The following KALRN variants were observed in gnomAD, a reference collection of about 807,000 sequenced individuals.
KALRN encodes kalirin.
A neutral mutation model predicts 353.7 loss-of-function variants in KALRN; 70 were observed. The ratio of observed to expected loss-of-function variants is 0.20; its 90% CI spans 0.16 to 0.24. The LOEUF (loss-of-function observed/expected upper bound fraction) is 0.24. Ranked by LOEUF, KALRN falls within the 10% of genes least tolerant of loss-of-function variation. The pLI is 1.00. For missense variants in KALRN, 2,791 were observed against 3,756.7 expected, an observed-to-expected ratio of 0.74 and a Z score of 6.72; for synonymous variants, 1,391 against 1,434.8, an observed-to-expected ratio of 0.97 and a Z score of 0.69.
At chr3:124,225,031 C>A (rs923858379) in intron 1 of KALRN, among the ~76,000 whole-genome samples, 1 of 152,124 alleles carries the variant, frequency 6.6e-6, no homozygotes, top group Admixed American at 6.5e-5. Flanking sequence ...GACACGTACC[C>A]GATAGTGAAA....
At chr3:124,521,634 A>C (rs6781886) in intron 33 of KALRN, among the ~76,000 whole-genome samples, 83,242 of 152,002 alleles carry the variant, frequency 0.55, 24,092 homozygotes, top group African/African-American at 0.74. Context: ...TTAGAAAAAA[A>C]CAGAGAGTAT....
Position 124,438,972 on chromosome 3 carries a change from G to A in KALRN, c.3133G>A (p.Ala1045Thr), listed in dbSNP as rs748232934. The change falls in exon 18 of 60, where the codon GCA becomes ACA. Residue 1045 changes from alanine to threonine, a missense_variant. This residue lies in a region of KALRN where 452 missense variants were observed against 575.8 expected (regional missense o/e 0.78). Transcript: ENST00000682506. ...CGGRDKLGPA[A>T]EIDHVIPLIS... is the part of the protein sequence containing the mutation. ...TGGACGAGATAAGCTGGGGCCAGCA[G>A]CAGAGATCGACCATGTCATTCCCCT... is the stretch of plus-strand genomic sequence containing the variant. The A allele has an allele frequency of 6.8e-6, 11 of 1,614,130 alleles. No homozygotes were observed. The South Asian group carries it at 1.1e-4, about 16-fold the overall frequency.
intron 34 of KALRN, among the ~76,000 whole-genome samples, chr3:124,571,071 C>T (rs2073460832): frequency 6.6e-6 from 1 of 152,188 alleles, no homozygotes; most frequent in Non-Finnish European, 1.5e-5. Context: ...CTTCTATTCT[C>T]CCCCGTCCGA....
chr3:124,399,957 T>C (rs2090649452), intron 13 of KALRN, among the ~76,000 whole-genome samples: 1 of 152,156 alleles, frequency 6.6e-6, no homozygotes, highest in Admixed American at 6.5e-5. Flanking sequence ...AGGGTTAAAT[T>C]AAAGGCATGT....
At chr3:124,612,976 T>A (rs1330986018) in intron 34 of KALRN, among the ~76,000 whole-genome samples, 2 of 152,224 alleles carry the variant, frequency 1.3e-5, no homozygotes, top group Non-Finnish European at 2.9e-5. Flanking sequence ...GGCATTCTTA[T>A]GGAAATAGTC....
chr3:124,400,438 A>G (rs2090717217), intron 13 of KALRN, among the ~76,000 whole-genome samples: 1 of 152,212 alleles, frequency 6.6e-6, no homozygotes, highest in Non-Finnish European at 1.5e-5. Flanking sequence ...AAGCCTTTAA[A>G]TCTAGACCTT....
intron 33 of KALRN, among the ~76,000 whole-genome samples, chr3:124,530,740 A>G (rs780247569): frequency 6.6e-6 from 1 of 152,202 alleles, no homozygotes; most frequent in Non-Finnish European, 1.5e-5. Flanking sequence ...TAAGTCGGCT[A>G]TAATTGCATT....
Position 124,273,849 on chromosome 3 carries a change from C to A in KALRN, c.969+4594C>A, listed in dbSNP as rs902793892. Among the ~76,000 whole-genome samples the A allele has an allele frequency of 2.6e-5, 4 of 152,326 alleles. No homozygotes were observed. The East Asian group carries it at 5.8e-4, about 22-fold the overall frequency. ...TCTGGTCTATAACTAATGGGCCTGT[C>A]CTCCACTGTATTCGCAGAACACAAG... On this transcript the variant is annotated intron_variant, in intron 5 of 59. Coordinates refer to ENST00000682506, the MANE Select transcript of KALRN (RefSeq NM_001388419.1).
intron 14 of KALRN, among the ~76,000 whole-genome samples, chr3:124,415,237 A>G (rs1576732883): frequency 6.6e-6 from 1 of 152,186 alleles, no homozygotes; most frequent in Admixed American, 6.5e-5. Context: ...CCCAGGCCCC[A>G]TGCCCTGATA....
At chr3:124,405,346 G>A (rs1427482765) in intron 13 of KALRN, among the ~76,000 whole-genome samples, 1 of 152,096 alleles carries the variant, frequency 6.6e-6, no homozygotes, top group Non-Finnish European at 1.5e-5. Flanking sequence ...AAATTATCAA[G>A]GTTCAAATGC....
chr3:124,666,673 G>A (rs1160464432), intron 46 of KALRN, 39 bp downstream of exon 46: 5 of 1,565,586 alleles, frequency 3.2e-6, no homozygotes, highest in African/African-American at 2.7e-5. Context: ...GCAAGGAAGA[G>A]CCCAGTTCTT....
chr3:124,281,803 G>C (rs772262305), intron 5 of KALRN, among the ~76,000 whole-genome samples: 12 of 152,296 alleles, frequency 7.9e-5, no homozygotes, highest in Non-Finnish European at 1.6e-4. Flanking sequence ...CAATTACTCT[G>C]TGTTGACCAG....
chr3:124,163,570 A>G, intron 1 of KALRN: 1 of 984,008 alleles, frequency 1.0e-6, no homozygotes, highest in Non-Finnish European at 1.2e-6. Context: ...ATGAAAATAC[A>G]TGTTTTGCTG....
chr3:124,372,609 T>G, intron 10 of KALRN, among the ~76,000 whole-genome samples: 1 of 94,918 alleles, frequency 1.1e-5, no homozygotes. Context: ...AACTTTTTTA[T>G]TATTTATTTT....
At chr3:124,076,256 G>A (rs925347502) in intron 1 of KALRN, among the ~76,000 whole-genome samples, 1 of 152,218 alleles carries the variant, frequency 6.6e-6, no homozygotes, top group East Asian at 1.9e-4. Flanking sequence ...AGGGTGGGGG[G>A]ATAGGAAGGG....
chr3:124,126,113 C>T (rs969969533), intron 1 of KALRN, among the ~76,000 whole-genome samples: 1 of 152,102 alleles, frequency 6.6e-6, no homozygotes. Context: ...AGGAGAGAAT[C>T]ATGGTTTTGT....
At chr3:124,372,230 G>C (rs1046582274) in intron 10 of KALRN, among the ~76,000 whole-genome samples, 4 of 152,038 alleles carry the variant, frequency 2.6e-5, no homozygotes, top group Non-Finnish European at 4.4e-5. Context: ...TTATATTTAA[G>C]TGATTTTTTC....
chr3:124,094,638 T>G, intron 1 of KALRN: 1 of 628,208 alleles, frequency 1.6e-6, no homozygotes, highest in Non-Finnish European at 2.9e-6. Flanking sequence ...CTGCACTTGT[T>G]CCTTTGTTGC....
intron 34 of KALRN, among the ~76,000 whole-genome samples, chr3:124,598,947 A>C (rs1185144310): frequency 6.6e-6 from 1 of 152,100 alleles, no homozygotes; most frequent in African/African-American, 2.4e-5. Context: ...CAGTGCTGGG[A>C]TTACAGGTGT....
Sources: gnomAD v4.1 joint callset for allele counts (sites outside exome capture counted in the v4.1 genomes callset) on GRCh38, gnomAD v4.1.1 for gene constraint, gnomAD v4.1.1 regional missense constraint, MANE v1.5 for transcripts, NCBI Gene and HGNC (gene_info 2026-07-23, HGNC 2026-07-21) for gene names.